PLCXD3: variants seen among roughly 807,000 people sequenced by gnomAD.
PLCXD3 encodes the protein phosphatidylinositol specific phospholipase C X domain containing 3.
Under a neutral mutation model 25.5 loss-of-function variants are expected in PLCXD3, and 19 were observed. That is an observed-to-expected ratio of 0.75 (90% confidence interval 0.52 to 1.09). PLCXD3 has a LOEUF of 1.09. Ranked by LOEUF, PLCXD3 falls within the 50% of genes least tolerant of loss-of-function variation. The pLI is 0.00. For missense variants in PLCXD3, 411 were observed against 388.1 expected (o/e 1.06, Z -0.50); for synonymous variants, 174 against 137.6 (o/e 1.26, Z -1.85).
At chr5:41,394,381 A>T (rs1286339337) in intron 1 of PLCXD3, among the ~76,000 whole-genome samples, 1 of 152,182 alleles carries the variant, frequency 6.6e-6, no homozygotes, top group Non-Finnish European at 1.5e-5. Context: ...TCACTACAGG[A>T]AGACAGAAAG....
chr5:41,329,577 C>A (rs1483017829), intron 2 of PLCXD3, among the ~76,000 whole-genome samples: 1 of 152,004 alleles, frequency 6.6e-6, no homozygotes, highest in Non-Finnish European at 1.5e-5. Context: ...TGCTTTTTTG[C>A]TGAATAAAAG....
chr5:41,328,038 C>A lies in PLCXD3; in HGVS notation c.813-14268G>T, dbSNP rs1190439954. ...AGACCTCAGTGACTACCAGGAGAAT[C>A]ATTTCAAGATAAATGAAATTAAAAA... On this transcript the variant is annotated intron_variant, in intron 2 of 2. Coordinates refer to ENST00000377801, the MANE Select transcript of PLCXD3 (RefSeq NM_001005473.3). 2.0e-5 allele frequency among the ~76,000 whole-genome samples: 3 copies of A among 152,150 alleles called. No homozygotes were observed. In the East Asian group the frequency reaches 5.8e-4, roughly 29 times the overall value.
chr5:41,383,886 C>T (rs757699022), intron 1 of PLCXD3, among the ~76,000 whole-genome samples: 55 of 151,930 alleles, frequency 3.6e-4, no homozygotes, highest in East Asian at 7.7e-4. Context: ...TATATACCTA[C>T]GTCTATATTC....
chr5:41,418,393 C>T (rs978910890), intron 1 of PLCXD3, among the ~76,000 whole-genome samples: 1 of 152,124 alleles, frequency 6.6e-6, no homozygotes, highest in African/African-American at 2.4e-5. Context: ...TATGCAGCTA[C>T]TGTGAGTACT....
chr5:41,363,734 A>C (rs895407715), intron 2 of PLCXD3, among the ~76,000 whole-genome samples: 4 of 152,202 alleles, frequency 2.6e-5, no homozygotes, highest in Non-Finnish European at 4.4e-5. Context: ...AGCTTGTTTC[A>C]AAAAGCAATT....
chr5:41,471,321 G>T (rs557419470), intron 1 of PLCXD3, among the ~76,000 whole-genome samples: 5 of 152,152 alleles, frequency 3.3e-5, no homozygotes, highest in African/African-American at 1.2e-4. Context: ...CATCTGGGTT[G>T]GTGCTGCAGA....
At chr5:41,468,430 T>C (rs1252015661) in intron 1 of PLCXD3, among the ~76,000 whole-genome samples, 4 of 152,186 alleles carry the variant, frequency 2.6e-5, no homozygotes, top group African/African-American at 9.7e-5. Flanking sequence ...GAAACTTTGA[T>C]GAGAATTTCT....
rs1326997280 is a variant in PLCXD3 at position 41,422,254 on chromosome 5, G to A, written c.104-39720C>T. On this transcript the variant is annotated intron_variant, in intron 1 of 2. Transcript: ENST00000377801. ...CTGTTTTTTCACATACGCCTTCTCC[G>A]TTTTATCAGTCCTGGAAATGGCTTC... Among the ~76,000 whole-genome samples, 4 of 152,162 alleles carry A rather than the reference G, an allele frequency of 2.6e-5. No homozygotes were observed. In the South Asian group the frequency reaches 6.2e-4, roughly 24 times the overall value.
intron 2 of PLCXD3, among the ~76,000 whole-genome samples, chr5:41,347,092 A>C (rs1473102458): frequency 6.6e-6 from 1 of 152,220 alleles, no homozygotes; most frequent in Non-Finnish European, 1.5e-5. Flanking sequence ...CTGACTTCCA[A>C]AATAGCTGTT....
At chr5:41,446,609 C>G (rs920594457) in intron 1 of PLCXD3, among the ~76,000 whole-genome samples, 5 of 151,628 alleles carry the variant, frequency 3.3e-5, no homozygotes, top group African/African-American at 1.2e-4. Flanking sequence ...TAAATCATGC[C>G]CATCTTTGGA....
intron 1 of PLCXD3, among the ~76,000 whole-genome samples, chr5:41,429,584 C>A (rs1213597865): frequency 1.3e-5 from 2 of 152,034 alleles, no homozygotes; most frequent in African/African-American, 4.8e-5. Flanking sequence ...TGTTCAAAAT[C>A]ATCTTGAATG....
chr5:41,346,716 CT>C (rs1744312222), intron 2 of PLCXD3, among the ~76,000 whole-genome samples: 1 of 152,152 alleles, frequency 6.6e-6, no homozygotes, highest in African/African-American at 2.4e-5. Flanking sequence ...ATAAACTTGC[CT>C]TTTACAGAAT....
At chr5:41,443,053 A>C (rs1455755501) in intron 1 of PLCXD3, among the ~76,000 whole-genome samples, 1 of 148,708 alleles carries the variant, frequency 6.7e-6, no homozygotes, top group Non-Finnish European at 1.5e-5. Flanking sequence ...CATATATAAT[A>C]ATAATATATA....
At chr5:41,333,788 T>C (rs563903542) in intron 2 of PLCXD3, among the ~76,000 whole-genome samples, 1 of 152,182 alleles carries the variant, frequency 6.6e-6, no homozygotes, top group Non-Finnish European at 1.5e-5. Flanking sequence ...TCCTTCATTA[T>C]GTATTTTCAG....
At chr5:41,402,145 C>T (rs1746204059) in intron 1 of PLCXD3, among the ~76,000 whole-genome samples, 1 of 151,516 alleles carries the variant, frequency 6.6e-6, no homozygotes, top group Non-Finnish European at 1.5e-5. Context: ...TTAATTTGTT[C>T]CTTTTTTTTA....
intron 2 of PLCXD3, among the ~76,000 whole-genome samples, chr5:41,323,579 T>C (rs548801270): frequency 1.3e-5 from 2 of 152,298 alleles, no homozygotes; most frequent in African/African-American, 4.8e-5. Flanking sequence ...TATGATTAGA[T>C]TAGTGATTTA....
chr5:41,431,257 A>G lies in PLCXD3; in HGVS notation c.104-48723T>C, dbSNP rs1551574. On this transcript the variant is annotated intron_variant, in intron 1 of 2. Coordinates refer to ENST00000377801, the MANE Select transcript of PLCXD3 (RefSeq NM_001005473.3). ...TTAAAAAGTGGTTATAGATAGAACCACTGGCCTATTCTCTGTTTTGAATAG... is the reference window on the plus strand; with the variant it reads ...TTAAAAAGTGGTTATAGATAGAACCGCTGGCCTATTCTCTGTTTTGAATAG... Among the ~76,000 whole-genome samples, 53 of 152,322 alleles carry G rather than the reference A, an allele frequency of 3.5e-4. No individual in the cohort carries two copies. The East Asian group carries it at 6.6e-3, about 19-fold the overall frequency.
intron 1 of PLCXD3, among the ~76,000 whole-genome samples, chr5:41,384,618 G>A (rs1194297513): frequency 7.2e-5 from 11 of 152,032 alleles, no homozygotes; most frequent in Non-Finnish European, 1.5e-4. Context: ...CTAGAAATGA[G>A]TGGTTCTCTG....
chr5:41,332,967 A>T (rs1252625814), intron 2 of PLCXD3, among the ~76,000 whole-genome samples: 2 of 152,100 alleles, frequency 1.3e-5, no homozygotes, highest in Non-Finnish European at 2.9e-5. Context: ...AGAGGGAGGG[A>T]TAGCTTTAGG....
Sources: gnomAD v4.1 joint callset for allele counts (sites outside exome capture counted in the v4.1 genomes callset) on GRCh38, gnomAD v4.1.1 for gene constraint, MANE v1.5 for transcripts, NCBI Gene and HGNC (gene_info 2026-07-23, HGNC 2026-07-21) for gene names.